The following ROBO2 variants were observed in gnomAD, a reference collection of about 807,000 sequenced individuals.
ROBO2 encodes roundabout guidance receptor 2.
Under a neutral mutation model 160.8 loss-of-function variants are expected in ROBO2, and 53 were observed. The ratio of observed to expected loss-of-function variants is 0.33; its 90% CI spans 0.26 to 0.41. The LOEUF (loss-of-function observed/expected upper bound fraction) is 0.41. Ranked by LOEUF, ROBO2 falls within the 10% of genes least tolerant of loss-of-function variation. The pLI is 1.00. For synonymous variants in ROBO2, 664 were observed against 611.7 expected (o/e 1.09, Z -1.26); for missense variants, 1,577 against 1,722.4 (o/e 0.92, Z 1.49).
chr3:76,432,007 AT>A (rs1329294311), intron 2 of ROBO2, among the ~76,000 whole-genome samples: 7 of 152,182 alleles, frequency 4.6e-5, no homozygotes, highest in Non-Finnish European at 1.0e-4. Context: ...AAGCATTAGA[AT>A]CCCACCTGTA....
chr3:76,688,561 A>G (rs1457270142), intron 2 of ROBO2, among the ~76,000 whole-genome samples: 2 of 151,296 alleles, frequency 1.3e-5, no homozygotes, highest in Non-Finnish European at 3.0e-5. Context: ...AAGGAAGGTA[A>G]TGAAAGTCTT....
chr3:76,625,743 C>G (rs1001856652), intron 2 of ROBO2, among the ~76,000 whole-genome samples: 1 of 152,234 alleles, frequency 6.6e-6, no homozygotes, highest in South Asian at 2.1e-4. Flanking sequence ...GGCATATTAG[C>G]AGGAAGCGCA....
intron 21 of ROBO2, among the ~76,000 whole-genome samples, chr3:77,608,961 C>G (rs2094575602): frequency 6.6e-6 from 1 of 151,700 alleles, no homozygotes; most frequent in Non-Finnish European, 1.5e-5. Flanking sequence ...TAACTCCTGT[C>G]TTTGAAGTCT....
chr3:77,178,171 C>T (rs1212963999), intron 2 of ROBO2, among the ~76,000 whole-genome samples: 8 of 152,020 alleles, frequency 5.3e-5, no homozygotes, highest in South Asian at 2.1e-4. Context: ...GGTATGGGCG[C>T]GCTACAAGGT....
chr3:76,945,286 T>G (rs889626210), intron 2 of ROBO2, among the ~76,000 whole-genome samples: 2 of 152,182 alleles, frequency 1.3e-5, no homozygotes, highest in East Asian at 1.9e-4. Flanking sequence ...ATTATTAATT[T>G]TATTATTGAT....
chr3:77,098,306 A>G (rs1432078470), exon 2 of ROBO2: 3 of 1,614,264 alleles, frequency 1.9e-6, no homozygotes, highest in South Asian at 1.1e-5. Flanking sequence ...ATCTTGGTGA[A>G]GCAGTGAGTC....
chr3:76,325,572 A>T (rs1696907577), intron 2 of ROBO2, among the ~76,000 whole-genome samples: 1 of 152,192 alleles, frequency 6.6e-6, no homozygotes, highest in Non-Finnish European at 1.5e-5. Flanking sequence ...AGTTGGTTGT[A>T]GCCTGGATTA....
intron 2 of ROBO2, among the ~76,000 whole-genome samples, chr3:76,440,600 A>G (rs2076882362): frequency 1.3e-5 from 2 of 152,190 alleles, no homozygotes; most frequent in Non-Finnish European, 1.5e-5. Context: ...AGTCAGGGGA[A>G]CAGTGTAAAA....
At chr3:75,975,188 G>T (rs13073504) in intron 2 of ROBO2, among the ~76,000 whole-genome samples, 17,923 of 151,320 alleles carry the variant, frequency 0.12, 1,229 homozygotes, top group Non-Finnish European at 0.15. Flanking sequence ...TTTTGTAATT[G>T]GGTACAATAC....
chr3:75,987,280 A>C (rs2065439624), intron 2 of ROBO2, among the ~76,000 whole-genome samples: 1 of 151,952 alleles, frequency 6.6e-6, no homozygotes, highest in African/African-American at 2.4e-5. Flanking sequence ...TTAATTACTA[A>C]GTATTTCATT....
chr3:76,800,983 A>T (rs2108849576), intron 2 of ROBO2, among the ~76,000 whole-genome samples: 1 of 152,346 alleles, frequency 6.6e-6, no homozygotes, highest in African/African-American at 2.4e-5. Context: ...TAATAGCCAC[A>T]ATTTGGAATT....
chr3:76,824,947 A>G lies in ROBO2; in HGVS notation c.110-273067A>G, dbSNP rs934552507. Among the ~76,000 whole-genome samples, 17 of 152,274 alleles carry G rather than the reference A, an allele frequency of 1.1e-4. No homozygotes were observed. The South Asian group carries it at 3.3e-3, about 30-fold the overall frequency. ...AGCATGAAGTCACCTGCTGGTCCCAATAAAACCTGCTGGGAAATTTCCAGC... is the reference window on the plus strand; with the variant it reads ...AGCATGAAGTCACCTGCTGGTCCCAGTAAAACCTGCTGGGAAATTTCCAGC... On this transcript the variant is annotated intron_variant, in intron 2 of 26. Coordinates refer to the ROBO2 transcript ENST00000487694.
At chr3:77,149,002 G>T (rs183396562) in intron 2 of ROBO2, among the ~76,000 whole-genome samples, 1 of 149,376 alleles carries the variant, frequency 6.7e-6, no homozygotes, top group Non-Finnish European at 1.5e-5. Flanking sequence ...ACTAACCAAA[G>T]TTCATTAATT....
At chr3:77,234,611 A>G (rs1018535916) in intron 2 of ROBO2, among the ~76,000 whole-genome samples, 1 of 152,222 alleles carries the variant, frequency 6.6e-6, no homozygotes, top group African/African-American at 2.4e-5. Flanking sequence ...GAAACTACTT[A>G]AAAGAAATAA....
chr3:76,771,037 A>G (rs2061874438), intron 2 of ROBO2, among the ~76,000 whole-genome samples: 2 of 151,314 alleles, frequency 1.3e-5, no homozygotes, highest in Non-Finnish European at 1.5e-5. Flanking sequence ...TTGCACATCT[A>G]TATATTTTTA....
chr3:76,932,094 C>T (rs2077383591), intron 2 of ROBO2, among the ~76,000 whole-genome samples: 1 of 151,982 alleles, frequency 6.6e-6, no homozygotes, highest in South Asian at 2.1e-4. Context: ...ATTTTTTCAG[C>T]TTCTCTTAGG....
At chr3:76,852,158 T>C (rs111799187) in intron 2 of ROBO2, among the ~76,000 whole-genome samples, 1,526 of 152,290 alleles carry the variant, frequency 0.01, 19 homozygotes, top group African/African-American at 0.036. Flanking sequence ...TGGGAAACTT[T>C]TTTTACACCT....
At chr3:77,212,172 G>T (rs2084263918) in intron 2 of ROBO2, among the ~76,000 whole-genome samples, 1 of 152,120 alleles carries the variant, frequency 6.6e-6, no homozygotes, top group Admixed American at 6.6e-5. Context: ...GGGCAGTATG[G>T]CCATTTTCAC....
In ROBO2 at chr3:77,610,761, A is replaced by AAG. The variant is rs1489815467; in HGVS notation, c.3293+2808_3293+2809insGA. ...AAGACCAAAAAAAAAAAAAAAAAAA[A>AAG]AAAAAAGAAAATAAATATAATACAA... On this transcript the variant is annotated intron_variant, in intron 21 of 25. Transcript: ENST00000461745. Among the ~76,000 whole-genome samples, 78 of 149,710 alleles carry AAG rather than the reference A, an allele frequency of 5.2e-4. 4 individuals are homozygous for AAG. Among genetic ancestry groups the AAG allele is most frequent in the Non-Finnish European group, 2.1e-4 (14 of 67,434 alleles).
Sources: allele counts gnomAD v4.1 joint callset (sites outside exome capture counted in the v4.1 genomes callset), GRCh38; gene constraint gnomAD v4.1.1; transcripts MANE v1.5; gene names NCBI Gene and HGNC (gene_info 2026-07-23, HGNC 2026-07-21).